DSE: variants seen among roughly 807,000 people sequenced by gnomAD.
DSE encodes dermatan-sulfate epimerase.
A neutral mutation model predicts 84.4 loss-of-function variants in DSE; 36 were observed. The observed-to-expected ratio is 0.43, with a 90% confidence interval of 0.33 to 0.56. DSE has a LOEUF of 0.56. Among genes scored for constraint, DSE ranks in the 20% least tolerant of loss-of-function variants. The probability of loss-of-function intolerance (pLI) is 0.06; values close to 1 mark genes in which losing one functional copy is unlikely to be tolerated. For synonymous variants in DSE, 410 were observed against 430.1 expected (o/e 0.95, Z 0.58); for missense variants, 862 against 1,169.6 (o/e 0.74, Z 3.84).
chr6:116,254,421 C>T (rs1452307610), intron 1 of DSE: 2 of 416,020 alleles, frequency 4.8e-6, no homozygotes, highest in East Asian at 1.5e-4. Flanking sequence ...CATAGGGCTT[C>T]TCCTGAGTAG....
intron 1 of DSE, among the ~76,000 whole-genome samples, chr6:116,387,957 G>A (rs1293968273): frequency 2.0e-5 from 3 of 152,104 alleles, no homozygotes; most frequent in African/African-American, 7.2e-5. Context: ...ACTAGGAAAG[G>A]GATACTGGGT....
At chr6:116,323,643 GAAC>G (rs1776456643) in intron 2 of DSE, among the ~76,000 whole-genome samples, 1 of 152,014 alleles carries the variant, frequency 6.6e-6, no homozygotes, top group Non-Finnish European at 1.5e-5. Flanking sequence ...GATTTGTAAT[GAAC>G]AACACAAAGA....
At chr6:116,313,762 A>T (rs1204360128) in intron 2 of DSE, among the ~76,000 whole-genome samples, 1 of 152,194 alleles carries the variant, frequency 6.6e-6, no homozygotes, top group Non-Finnish European at 1.5e-5. Flanking sequence ...CATTGGGTGA[A>T]TCGGTTCATA....
At chr6:116,417,230 T>G (rs930600659) in intron 2 of DSE, among the ~76,000 whole-genome samples, 2 of 152,354 alleles carry the variant, frequency 1.3e-5, no homozygotes, top group African/African-American at 4.8e-5. Flanking sequence ...GGATTACAAT[T>G]ATAAATGTTG....
chr6:116,283,360 A>G (rs1389929360), intron 2 of DSE, among the ~76,000 whole-genome samples: 2 of 152,178 alleles, frequency 1.3e-5, no homozygotes, highest in Non-Finnish European at 2.9e-5. Context: ...GAGCTGCACC[A>G]TGCAGTTTAG....
At chr6:116,281,972 A>T (rs1006730283) in intron 2 of DSE, among the ~76,000 whole-genome samples, 1 of 152,250 alleles carries the variant, frequency 6.6e-6, no homozygotes, top group African/African-American at 2.4e-5. Flanking sequence ...CAGAGAAAAC[A>T]ATTTTATTTT....
chr6:116,383,042 T>C (rs983235675), intron 1 of DSE, among the ~76,000 whole-genome samples: 1 of 152,164 alleles, frequency 6.6e-6, no homozygotes, highest in African/African-American at 2.4e-5. Context: ...ATTGGTAGGA[T>C]GTGAGATTTG....
chr6:116,398,128 T>A (rs1034486394), intron 1 of DSE, among the ~76,000 whole-genome samples: 19 of 152,240 alleles, frequency 1.2e-4, no homozygotes, highest in Non-Finnish European at 1.5e-5. Flanking sequence ...CTTTTTCTGG[T>A]CTGCTTTCTA....
At chr6:116,372,125 T>A (rs535863584) in intron 1 of DSE, among the ~76,000 whole-genome samples, 1 of 152,264 alleles carries the variant, frequency 6.6e-6, no homozygotes, top group Non-Finnish European at 1.5e-5. Flanking sequence ...ATATTTTTAG[T>A]ATTTTTCACA....
At chr6:116,283,022 A>G (rs1773642294) in intron 2 of DSE, among the ~76,000 whole-genome samples, 1 of 152,144 alleles carries the variant, frequency 6.6e-6, no homozygotes, top group South Asian at 2.1e-4. Context: ...ACCTTTTTGT[A>G]TCTAAAAAGG....
intron 1 of DSE, among the ~76,000 whole-genome samples, chr6:116,389,255 C>T (rs1443688647): frequency 6.6e-6 from 1 of 152,056 alleles, no homozygotes; most frequent in Non-Finnish European, 1.5e-5. Flanking sequence ...ATCCATTTTA[C>T]AGAGGAGGAA....
intron 1 of DSE, among the ~76,000 whole-genome samples, chr6:116,384,366 T>C (rs907879496): frequency 3.9e-5 from 6 of 152,194 alleles, no homozygotes; most frequent in African/African-American, 7.2e-5. Context: ...ATGAGAGACA[T>C]TCAGGCAGTG....
At position 116,331,409 on chromosome 6, in the gene DSE, G is replaced by A. The variant is rs559870980; in HGVS notation, c.-53-67789G>A. Among the ~76,000 whole-genome samples the A allele has an allele frequency of 5.9e-5, 9 of 152,186 alleles. No individual in the cohort carries two copies. In the East Asian group the frequency reaches 1.4e-3, roughly 23 times the overall value. ...GCAAGGAGAAGTGCACTGCGAAGTG[G>A]GGAAAAGCCCCTTATAAAACCATCA... On this transcript the variant is annotated intron_variant, in intron 2 of 3. Transcript: ENST00000430252.
In DSE at chr6:116,435,700, A is replaced by G. The variant is rs756187400; in HGVS notation, c.1232A>G (p.Asn411Ser). Reference protein sequence around the residue: ...TYGSALPAEINRSFLSFKSGK... With the variant: ...TYGSALPAEISRSFLSFKSGK... ...GGAAGTGCACTACCTGCAGAAATCAATAGATCTTTCCTTTCCTTCAAGTCT... is the reference window on the plus strand; with the variant it reads ...GGAAGTGCACTACCTGCAGAAATCAGTAGATCTTTCCTTTCCTTCAAGTCT... Residue 411 changes from asparagine (N) to serine (S), a missense_variant, in exon 6 of 6, where the codon AAT becomes AGT. By Grantham distance (46) the Asn-to-Ser change is conservative. Coordinates refer to ENST00000644252, the MANE Select transcript of DSE (RefSeq NM_013352.4). The G allele has an allele frequency of 1.2e-6, 2 of 1,614,012 alleles. No individual in the cohort carries two copies. The highest frequency in any genetic ancestry group is 1.7e-6 in the Non-Finnish European group (2 of 1,179,998).
Position 116,436,492 on chromosome 6 carries a change from C to G in DSE, c.2024C>G (p.Thr675Ser). 1 of 1,614,178 alleles carries G rather than the reference C, an allele frequency of 6.2e-7. No homozygotes were observed. The highest frequency in any genetic ancestry group is 2.2e-5 in the East Asian group (1 of 44,884). Residue 675 changes from threonine to serine, a missense_variant, in exon 6 of 6, where the codon ACT becomes AGT. Thr to Ser is a moderately conservative substitution (Grantham distance 58). Coordinates refer to ENST00000644252, the MANE Select transcript of DSE (RefSeq NM_013352.4). ...CCATCTATAGATGTTCAGAGCTTCACTGTCCACGGAGACTCTCAGCAACTG... is the reference window on the plus strand; with the variant it reads ...CCATCTATAGATGTTCAGAGCTTCAGTGTCCACGGAGACTCTCAGCAACTG... ...IGPSIDVQSF[T>S]VHGDSQQLDV...
intron 1 of DSE, among the ~76,000 whole-genome samples, chr6:116,375,211 G>A (rs964587391): frequency 1.3e-5 from 2 of 151,054 alleles, no homozygotes; most frequent in African/African-American, 2.4e-5. Flanking sequence ...CTCTTGAGGT[G>A]TACTGATCGA....
intron 2 of DSE, chr6:116,401,194 G>C (rs1403063394): frequency 6.6e-6 from 1 of 151,734 alleles, no homozygotes; most frequent in African/African-American, 2.4e-5. Context: ...AAAATATTTG[G>C]GTATATAAAT....
chr6:116,410,995 A>C (rs1347164639), intron 2 of DSE, among the ~76,000 whole-genome samples: 1 of 152,144 alleles, frequency 6.6e-6, no homozygotes, highest in African/African-American at 2.4e-5. Context: ...TAATACTTGG[A>C]GCTATTGAGG....
chr6:116,265,393 C>A (rs768104940), intron 2 of DSE, among the ~76,000 whole-genome samples: 1 of 152,064 alleles, frequency 6.6e-6, no homozygotes, highest in Non-Finnish European at 1.5e-5. Flanking sequence ...TCTGTGCCCA[C>A]CAAGGCTCTG....
Sources: allele counts gnomAD v4.1 joint callset (sites outside exome capture counted in the v4.1 genomes callset), GRCh38; gene constraint gnomAD v4.1.1; transcripts MANE v1.5; gene names NCBI Gene and HGNC (gene_info 2026-07-23, HGNC 2026-07-21).